BACH2: variants seen among roughly 807,000 people sequenced by gnomAD.
BACH2 encodes the protein BACH transcriptional regulator 2.
BACH2 carries 5 observed loss-of-function variants against 61.8 expected under a neutral mutation model. The observed-to-expected ratio is 0.08, with a 90% CI of 0.04 to 0.17. The LOEUF is 0.17. BACH2 is among the 10% of genes least tolerant of loss of function. The pLI, the probability that BACH2 is intolerant of heterozygous loss-of-function variation, is 1.00. For missense variants in BACH2, 824 were observed against 1,091.1 expected (o/e 0.76, Z 3.45); for synonymous variants, 446 against 440.1 (o/e 1.01, Z -0.17).
At chr6:89,983,441 G>A (rs1173598422) in intron 6 of BACH2, among the ~76,000 whole-genome samples, 1 of 152,196 alleles carries the variant, frequency 6.6e-6, no homozygotes, top group African/African-American at 2.4e-5. Flanking sequence ...GGCAGAGGCA[G>A]GCAGATCACC....
At chr6:90,173,973 A>G (rs1462589826) in intron 4 of BACH2, among the ~76,000 whole-genome samples, 1 of 152,172 alleles carries the variant, frequency 6.6e-6, no homozygotes, top group African/African-American at 2.4e-5. Flanking sequence ...TGGTGTAGCT[A>G]AATTAAACCC....
At chr6:90,181,033 A>C (rs1038643829) in intron 4 of BACH2, among the ~76,000 whole-genome samples, 1 of 152,160 alleles carries the variant, frequency 6.6e-6, no homozygotes, top group Non-Finnish European at 1.5e-5. Flanking sequence ...GTAGATACCC[A>C]GTAGTGGGAT....
intron 4 of BACH2, among the ~76,000 whole-genome samples, chr6:90,121,667 C>G: frequency 6.6e-6 from 1 of 152,050 alleles, no homozygotes; most frequent in East Asian, 1.9e-4. Flanking sequence ...CTCAGCCTCC[C>G]GAGTAGCTGG....
chr6:90,162,711 A>C (rs1767445119), intron 4 of BACH2, among the ~76,000 whole-genome samples: 1 of 152,200 alleles, frequency 6.6e-6, no homozygotes, highest in South Asian at 2.1e-4. Flanking sequence ...TATGCATTTT[A>C]ATTTTCTAAG....
Position 90,011,932 on chromosome 6 carries a change from A to ATGTGTGTGTGTGTG in BACH2, c.-12-3090_-12-3077dup, listed in dbSNP as rs71027919. On this transcript the variant is annotated intron_variant, in intron 5 of 8. Coordinates refer to ENST00000257749, the MANE Select transcript of BACH2 (RefSeq NM_021813.4). Reference sequence around the variant, plus strand: ...AAGACTCTGTCTCAAAAAAAAAAATATGTGTGTGTGTGTGTGTGTGTGTGT... The same window carrying ATGTGTGTGTGTGTG: ...AAGACTCTGTCTCAAAAAAAAAAATATGTGTGTGTGTGTGTGTGTGTGTGTGTGTGTGTGTGTGT... 5.4e-3 allele frequency among the ~76,000 whole-genome samples: 612 copies of ATGTGTGTGTGTGTG among 114,278 alleles called. 8 individuals are homozygous for ATGTGTGTGTGTGTG. Among genetic ancestry groups the ATGTGTGTGTGTGTG allele is most frequent in the Admixed American group, 6.7e-3 (71 of 10,644 alleles). 75.0% of individuals were successfully genotyped at this position (114,278 alleles called of 152,430 possible). A position where few individuals can be genotyped will look rare whatever the true frequency, so the allele number is the denominator to read the frequency against.
intron 4 of BACH2, among the ~76,000 whole-genome samples, chr6:90,170,127 T>C (rs991634534): frequency 6.6e-6 from 1 of 152,208 alleles, no homozygotes; most frequent in Non-Finnish European, 1.5e-5. Flanking sequence ...AATTGCAACT[T>C]AACCTTTACA....
At chr6:89,973,677 G>T (rs1775493869) in intron 6 of BACH2, among the ~76,000 whole-genome samples, 1 of 151,918 alleles carries the variant, frequency 6.6e-6, no homozygotes, top group Admixed American at 6.6e-5. Flanking sequence ...ATCTTTGGGG[G>T]CCAGTATCCT....
chr6:90,040,888 T>C (rs1458926501), intron 5 of BACH2, among the ~76,000 whole-genome samples: 1 of 152,222 alleles, frequency 6.6e-6, no homozygotes, highest in Non-Finnish European at 1.5e-5. Context: ...TGATCACATA[T>C]ATGAAGAATG....
intron 5 of BACH2, among the ~76,000 whole-genome samples, chr6:90,040,778 C>CAT (rs146044361): frequency 3.6e-4 from 54 of 151,206 alleles, no homozygotes; most frequent in African/African-American, 7.5e-4. Context: ...ATACACATTA[C>CAT]ATATATATAT....
intron 5 of BACH2, among the ~76,000 whole-genome samples, chr6:90,076,813 G>A (rs1323533510): frequency 2.6e-5 from 4 of 152,038 alleles, no homozygotes; most frequent in South Asian, 2.1e-4. Context: ...TGGTGTGCAC[G>A]TACACATTCA....
intron 2 of BACH2, among the ~76,000 whole-genome samples, chr6:90,254,089 G>A (rs1208084155): frequency 2.0e-5 from 3 of 151,666 alleles, no homozygotes; most frequent in Non-Finnish European, 2.9e-5. Context: ...AACTAGCTGA[G>A]AACTGACATA....
rs3221352 is a variant in BACH2, at chr6:90,218,920, CGTGTGTGTGTGT to C, written c.-274-12251_-274-12240del. Among the ~76,000 whole-genome samples, 189 of 140,492 alleles carry C rather than the reference CGTGTGTGTGTGT, an allele frequency of 1.3e-3. 1 individual carries two copies. The highest frequency in any genetic ancestry group is 4.1e-3 in the African/African-American group (154 of 37,814). The allele number at this position is 140,492 out of a possible 152,430, so 92.2% of individuals were successfully genotyped here. ...GGGCTGTGAATTTCGGTTTCCTTTC[CGTGTGTGTGTGT>C]GTGTGTGTGTGTGTGTGTGTGTGTG... On this transcript the variant is annotated intron_variant, in intron 3 of 8. Transcript: ENST00000257749.
intron 6 of BACH2, among the ~76,000 whole-genome samples, chr6:89,984,205 T>G (rs75479292): frequency 0.092 from 13,943 of 152,118 alleles, 684 homozygotes; most frequent in African/African-American, 0.12. Context: ...ACATCCATTC[T>G]GTAGGAGAAT....
At chr6:90,181,912 T>A (rs1212855374) in intron 4 of BACH2, among the ~76,000 whole-genome samples, 2 of 152,222 alleles carry the variant, frequency 1.3e-5, no homozygotes, top group Non-Finnish European at 2.9e-5. Context: ...CTCTGCAGTC[T>A]GAGCCCTGAA....
chr6:90,034,310 A>C (rs1247690943), intron 5 of BACH2, among the ~76,000 whole-genome samples: 1 of 152,136 alleles, frequency 6.6e-6, no homozygotes, highest in Non-Finnish European at 1.5e-5. Flanking sequence ...CTTTCTCTTA[A>C]GGCAACATGA....
chr6:90,043,720 A>G (rs924554584), intron 5 of BACH2, among the ~76,000 whole-genome samples: 8 of 151,900 alleles, frequency 5.3e-5, no homozygotes, highest in Non-Finnish European at 1.0e-4. Flanking sequence ...TGTCCTGCCT[A>G]CTCTTCTCTG....
intron 5 of BACH2, among the ~76,000 whole-genome samples, chr6:90,032,713 G>T (rs1167371269): frequency 6.6e-6 from 1 of 152,200 alleles, no homozygotes; most frequent in Non-Finnish European, 1.5e-5. Context: ...AACAACAGGT[G>T]CTGGAGAGGA....
At chr6:90,186,718 T>C (rs1445434136) in intron 4 of BACH2, among the ~76,000 whole-genome samples, 1 of 152,214 alleles carries the variant, frequency 6.6e-6, no homozygotes, top group African/African-American at 2.4e-5. Flanking sequence ...CCAAGTGCTC[T>C]CAGCAGGTGC....
chr6:90,048,679 C>A (rs1779900823), intron 5 of BACH2, among the ~76,000 whole-genome samples: 1 of 152,162 alleles, frequency 6.6e-6, no homozygotes, highest in Non-Finnish European at 1.5e-5. Flanking sequence ...TTCAGAGTTT[C>A]AATTTTAATT....
Sources: allele counts gnomAD v4.1 joint callset (sites outside exome capture counted in the v4.1 genomes callset), GRCh38; gene constraint gnomAD v4.1.1; transcripts MANE v1.5; gene names NCBI Gene and HGNC (gene_info 2026-07-23, HGNC 2026-07-21).